Variants in C10orf90 observed in about 807,000 individuals in gnomAD.
The protein encoded by C10orf90 is chromosome 10 open reading frame 90, also known as (E2-independent) E3 ubiquitin-conjugating enzyme FATS.
A neutral mutation model predicts 62.5 loss-of-function variants in C10orf90; 56 were observed. That is an observed-to-expected ratio of 0.90 (90% CI 0.72 to 1.12). C10orf90 has a LOEUF of 1.12. Among genes scored for constraint, C10orf90 ranks in the 50% most tolerant of loss-of-function variants. The pLI, the probability that C10orf90 is intolerant of heterozygous loss-of-function variation, is 0.00. For missense variants in C10orf90, 970 were observed against 880.4 expected (o/e 1.10, Z -1.29); for synonymous variants, 386 against 340.4 (o/e 1.13, Z -1.47).
At chr10:126,618,311 C>T (rs555385671) in intron 2 of C10orf90, among the ~76,000 whole-genome samples, 1 of 152,258 alleles carries the variant, frequency 6.6e-6, no homozygotes, top group African/African-American at 2.4e-5. Flanking sequence ...AAAAGATATG[C>T]TGTTTTTATC....
intron 2 of C10orf90, among the ~76,000 whole-genome samples, chr10:126,516,511 G>A (rs1464567241): frequency 6.6e-6 from 1 of 152,198 alleles, no homozygotes; most frequent in East Asian, 1.9e-4. Context: ...AAGACAATGA[G>A]GGTATCCACT....
intron 7 of C10orf90, among the ~76,000 whole-genome samples, chr10:126,441,824 A>G (rs1336817272): frequency 1.3e-5 from 2 of 152,206 alleles, no homozygotes. Context: ...TTTTTCAGAT[A>G]AACAAATGAT....
rs1404613819 is a variant in C10orf90 at position 126,576,740 on chromosome 10, G to A, written c.314-62801C>T. On this transcript the variant is annotated intron_variant, in intron 2 of 9. Transcript: ENST00000488181. ...ACAAGATATACATATATATGTATAT[G>A]TATATATACATATAGATAATATGTA... is the stretch of plus-strand genomic sequence containing the variant. Among the ~76,000 whole-genome samples the A allele has an allele frequency of 4.2e-4, 24 of 56,494 alleles. 1 individual carries two copies. The highest frequency in any genetic ancestry group is 2.3e-3 in the South Asian group (5 of 2,204). 37.1% of individuals were successfully genotyped at this position (56,494 alleles called of 152,430 possible). A position where few individuals can be genotyped will look rare whatever the true frequency, so the allele number is the denominator to read the frequency against.
At chr10:126,468,079 CTTT>C (rs553157307) in intron 4 of C10orf90, among the ~76,000 whole-genome samples, 17 of 142,892 alleles carry the variant, frequency 1.2e-4, no homozygotes, top group Non-Finnish European at 2.0e-4. Flanking sequence ...ACAAAGCTAG[CTTT>C]TTTTTTTTTT....
intron 2 of C10orf90, among the ~76,000 whole-genome samples, chr10:126,589,914 A>C (rs1844946222): frequency 6.6e-6 from 1 of 151,818 alleles, no homozygotes; most frequent in African/African-American, 2.4e-5. Context: ...GGCAAGATTG[A>C]TCATAACCCA....
chr10:126,638,989 G>T (rs898500295), intron 2 of C10orf90, among the ~76,000 whole-genome samples: 1 of 152,222 alleles, frequency 6.6e-6, no homozygotes, highest in African/African-American at 2.4e-5. Context: ...GCCTTTTATG[G>T]AATAACTTTA....
rs571898644 is a variant in C10orf90, at chr10:126,456,870, G to T, written c.2188+2170C>A. Among the ~76,000 whole-genome samples, 1 of 152,322 alleles carries T rather than the reference G, an allele frequency of 6.6e-6. No homozygotes were observed. Among genetic ancestry groups the T allele is most frequent in the South Asian group, 2.1e-4 (1 of 4,828 alleles). ...GAGCAGGGAGGGAGGCTGGACACGGGATTGACCACTGAGCCTCTAGAAAGT... is the reference window on the plus strand; with the variant it reads ...GAGCAGGGAGGGAGGCTGGACACGGTATTGACCACTGAGCCTCTAGAAAGT... On this transcript the variant is annotated intron_variant, in intron 7 of 9. Coordinates refer to ENST00000488181, the MANE Select transcript of C10orf90 (RefSeq NM_001350921.2). The surrounding 1 kb of genome is among the most constrained non-coding windows in gnomAD (Gnocchi z 4.9).
intron 4 of C10orf90, chr10:126,502,978 CTTTAAATGTTTTA>C: frequency 4.4e-6 from 1 of 225,402 alleles, no homozygotes; most frequent in Admixed American, 5.5e-5. Flanking sequence ...CACATTATAA[CTTTAAATGTTTTA>C]CAGTCATTTT....
intron 2 of C10orf90, among the ~76,000 whole-genome samples, chr10:126,598,979 T>C (rs1845139964): frequency 6.6e-6 from 1 of 152,166 alleles, no homozygotes. Flanking sequence ...CACATGTACA[T>C]GTTGGCAAAC....
intron 1 of C10orf90, among the ~76,000 whole-genome samples, chr10:126,659,155 C>A (rs182422423): frequency 6.6e-6 from 1 of 152,316 alleles, no homozygotes; most frequent in East Asian, 1.9e-4. Context: ...TATCCAATAG[C>A]CAAGTCCCTT....
chr10:126,430,979 T>C (rs997791854), intron 7 of C10orf90, among the ~76,000 whole-genome samples: 4 of 152,154 alleles, frequency 2.6e-5, no homozygotes, highest in Admixed American at 6.5e-5. Flanking sequence ...TGACTTATAA[T>C]ATGGAAAACA....
intron 1 of C10orf90, among the ~76,000 whole-genome samples, chr10:126,648,047 G>A (rs1224873394): frequency 2.0e-5 from 3 of 152,154 alleles, no homozygotes; most frequent in Non-Finnish European, 2.9e-5. Context: ...TTGAGGGTGG[G>A]GCCTAGTGGG....
chr10:126,664,144 T>C (rs1289613330), intron 1 of C10orf90, among the ~76,000 whole-genome samples: 1 of 152,192 alleles, frequency 6.6e-6, no homozygotes, highest in Non-Finnish European at 1.5e-5. Context: ...GACTAATCTC[T>C]GAATTGCTTG....
intron 8 of C10orf90, among the ~76,000 whole-genome samples, chr10:126,428,285 G>A (rs1857373584): frequency 6.6e-6 from 1 of 152,178 alleles, no homozygotes; most frequent in South Asian, 2.1e-4. Flanking sequence ...GCTGGGACTG[G>A]GGTAGGGAAA....
chr10:126,610,765 T>A (rs976812519), intron 2 of C10orf90, among the ~76,000 whole-genome samples: 1 of 152,152 alleles, frequency 6.6e-6, no homozygotes, highest in South Asian at 2.1e-4. Context: ...ATAGCTATCA[T>A]CAAACCTTCA....
At chr10:126,582,884 T>G (rs962688776) in intron 2 of C10orf90, among the ~76,000 whole-genome samples, 2 of 152,058 alleles carry the variant, frequency 1.3e-5, no homozygotes, top group Non-Finnish European at 2.9e-5. Flanking sequence ...AAGAAGCGGG[T>G]GGTGCCACAA....
At chr10:126,484,415 C>CA (rs1002168232) in intron 4 of C10orf90, among the ~76,000 whole-genome samples, 3 of 151,662 alleles carry the variant, frequency 2.0e-5, no homozygotes, top group African/African-American at 4.8e-5. Context: ...CTAACAACTC[C>CA]AAAAAAAACC....
At chr10:126,649,012 A>ATC (rs1297405536) in intron 1 of C10orf90, among the ~76,000 whole-genome samples, 10 of 127,562 alleles carry the variant, frequency 7.8e-5, no homozygotes, top group East Asian at 2.4e-4. Context: ...CACAGATGAT[A>ATC]TCTCTCTCTC....
intron 2 of C10orf90, among the ~76,000 whole-genome samples, chr10:126,614,697 A>G (rs978472): frequency 0.075 from 11,376 of 152,228 alleles, 626 homozygotes; most frequent in African/African-American, 0.16. Context: ...TCAAACTCGA[A>G]GAACAGCAGT....
Sources: allele counts gnomAD v4.1 joint callset (sites outside exome capture counted in the v4.1 genomes callset), GRCh38; gene constraint gnomAD v4.1.1; non-coding constraint Gnocchi (gnomAD v3.1); transcripts MANE v1.5; gene names NCBI Gene and HGNC (gene_info 2026-07-23, HGNC 2026-07-21).